The following METTL25 variants were observed in gnomAD, a reference collection of about 807,000 sequenced individuals.
METTL25 encodes methyltransferase like 25, also known as probable methyltransferase-like protein 25.
In METTL25, 64 loss-of-function variants were observed where a neutral mutation model predicts 71.6. That is an observed-to-expected ratio of 0.89 (90% CI 0.73 to 1.10). METTL25 has a LOEUF of 1.10. Ranked by LOEUF, METTL25 falls within the 50% of genes least tolerant of loss-of-function variation. The pLI is 0.00. For missense variants in METTL25, 807 were observed against 707.0 expected (o/e 1.14, Z -1.60); for synonymous variants, 287 against 250.3 (o/e 1.15, Z -1.38).
rs139616135 is a variant in METTL25, at chr12:82,439,778, G to T, written c.1478+987G>T. 7.7e-4 allele frequency: 482 copies of T among 624,284 alleles called. 2 individuals carry two copies. The African/African-American group carries it at 8.9e-3, about 12-fold the overall frequency. 38.7% of individuals were successfully genotyped at this position (624,284 alleles called of 1,614,324 possible). A position where few individuals can be genotyped will look rare whatever the true frequency, so the allele number is the denominator to read the frequency against. On this transcript the variant is annotated intron_variant, in intron 8 of 11. Transcript: ENST00000248306. ...ATATTTACCCTAAGATGCTAACCTT[G>T]TTGAAAAAAGCCATAAAATTGTGCA...
chr12:82,382,635 T>A (rs1219045531), intron 1 of METTL25, among the ~76,000 whole-genome samples: 1 of 152,250 alleles, frequency 6.6e-6, no homozygotes, highest in Admixed American at 6.5e-5. Flanking sequence ...TTTCAGCAAA[T>A]AGATATCATA....
chr12:82,376,977 G>A (rs1018799301), intron 1 of METTL25, among the ~76,000 whole-genome samples: 1 of 152,072 alleles, frequency 6.6e-6, no homozygotes, highest in African/African-American at 2.4e-5. Flanking sequence ...AGCCGGCGTG[G>A]TGGCGGGCAC....
chr12:82,442,204 T>A (rs1349128770), intron 8 of METTL25, among the ~76,000 whole-genome samples: 1 of 152,006 alleles, frequency 6.6e-6, no homozygotes, highest in Non-Finnish European at 1.5e-5. Flanking sequence ...CACATGGGAA[T>A]CTGGAAGTCC....
At chr12:82,403,992 A>C (rs1886863959) in intron 5 of METTL25, among the ~76,000 whole-genome samples, 1 of 152,162 alleles carries the variant, frequency 6.6e-6, no homozygotes, top group African/African-American at 2.4e-5. Flanking sequence ...TTTAAAACCC[A>C]GATTAATATA....
At chr12:82,445,277 A>G (rs1318637625) in intron 8 of METTL25, among the ~76,000 whole-genome samples, 1 of 152,198 alleles carries the variant, frequency 6.6e-6, no homozygotes, top group East Asian at 1.9e-4. Context: ...TAAAATATAT[A>G]CAAATCTATA....
chr12:82,432,748 T>C (rs1371222894), intron 6 of METTL25, among the ~76,000 whole-genome samples: 1 of 151,470 alleles, frequency 6.6e-6, no homozygotes, highest in Non-Finnish European at 1.5e-5. Context: ...TTTTTTTGAT[T>C]CCAAAGTAAT....
At chr12:82,446,875 C>T (rs1890790530) in intron 8 of METTL25, among the ~76,000 whole-genome samples, 1 of 152,028 alleles carries the variant, frequency 6.6e-6, no homozygotes, top group South Asian at 2.1e-4. Context: ...CCTCGGTCTC[C>T]CAAAGTGCTG....
intron 8 of METTL25, among the ~76,000 whole-genome samples, chr12:82,442,385 A>G (rs1381946935): frequency 6.6e-6 from 1 of 152,182 alleles, no homozygotes; most frequent in Non-Finnish European, 1.5e-5. Context: ...ATGCCATGAA[A>G]TACTAAGCAA....
At chr12:82,449,073 G>C (rs1890951878) in intron 8 of METTL25, among the ~76,000 whole-genome samples, 1 of 152,182 alleles carries the variant, frequency 6.6e-6, no homozygotes, top group Non-Finnish European at 1.5e-5. Flanking sequence ...TTTTGGAGAA[G>C]CATGTGGGTG....
At chr12:82,380,997 A>G (rs1001551187) in intron 1 of METTL25, among the ~76,000 whole-genome samples, 1 of 152,214 alleles carries the variant, frequency 6.6e-6, no homozygotes, top group Non-Finnish European at 1.5e-5. Flanking sequence ...TCCATGTGGC[A>G]TCCAATAGAA....
At chr12:82,463,226 C>T (rs901170341) in intron 9 of METTL25, among the ~76,000 whole-genome samples, 1 of 151,994 alleles carries the variant, frequency 6.6e-6, no homozygotes, top group Admixed American at 6.6e-5. Context: ...CTATAATGCA[C>T]TTCCCCCTAC....
At chr12:82,422,484 A>G (rs1489269793) in intron 5 of METTL25, among the ~76,000 whole-genome samples, 4 of 152,184 alleles carry the variant, frequency 2.6e-5, no homozygotes, top group African/African-American at 7.2e-5. Context: ...GAAAACTGGC[A>G]CAAGACAGGG....
At chr12:82,413,300 A>C (rs1887697269) in intron 5 of METTL25, among the ~76,000 whole-genome samples, 1 of 152,056 alleles carries the variant, frequency 6.6e-6, no homozygotes, top group Non-Finnish European at 1.5e-5. Context: ...GATTTAGGAG[A>C]CACTCAGCAA....
At chr12:82,470,858 G>A (rs1471177039) in intron 9 of METTL25, among the ~76,000 whole-genome samples, 3 of 152,130 alleles carry the variant, frequency 2.0e-5, no homozygotes, top group African/African-American at 4.8e-5. Context: ...ATAGATTTGC[G>A]AGGGCTAGGT....
At chr12:82,361,791 G>A (rs1344384580) in intron 1 of METTL25, among the ~76,000 whole-genome samples, 7 of 152,138 alleles carry the variant, frequency 4.6e-5, no homozygotes, top group African/African-American at 4.8e-5. Context: ...GTTCCCACCC[G>A]TGCCTCTCCC....
At position 82,434,731 on chromosome 12, in the gene METTL25, A is replaced by G. The variant is rs1343998908; in HGVS notation, c.1404+7A>G. On this transcript the variant is annotated splice_region_variant and intron_variant, in intron 7 of 11. Coordinates refer to ENST00000248306, the MANE Select transcript of METTL25 (RefSeq NM_032230.3). ...GGTTGCAGCTGGCCAAGGGGTAAGT[A>G]AGAGTGTTAACTGATGAACACGACA... The G allele has an allele frequency of 1.2e-6, 2 of 1,608,796 alleles. No homozygotes were observed. The highest frequency in any genetic ancestry group is 1.7e-6 in the Non-Finnish European group (2 of 1,176,340).
chr12:82,475,870 C>T (rs916898884), intron 9 of METTL25, among the ~76,000 whole-genome samples: 1 of 151,992 alleles, frequency 6.6e-6, no homozygotes, highest in African/African-American at 2.4e-5. Context: ...ATTTGAGCAT[C>T]CCTAATCTGA....
At position 82,389,932 on chromosome 12, in the gene METTL25, T is replaced by G. The variant is rs1411521275; in HGVS notation, c.531+10T>G. The stretch of plus-strand genomic sequence containing the variant: ...CTATGGAATAAAGCAGGTAAGAGTA[T>G]TTCCGTATGTTTTTAGGTGTTAAAA... On this transcript the variant is annotated intron_variant, in intron 3 of 11. Transcript: ENST00000248306. The G allele has an allele frequency of 1.4e-6, 2 of 1,438,876 alleles. No individual in the cohort carries two copies. Among genetic ancestry groups the G allele is most frequent in the South Asian group, 2.4e-5 (2 of 84,484 alleles). 89.1% of individuals were successfully genotyped at this position (1,438,876 alleles called of 1,614,324 possible). A position where few individuals can be genotyped will look rare whatever the true frequency, so the allele number is the denominator to read the frequency against.
intron 1 of METTL25, among the ~76,000 whole-genome samples, chr12:82,369,115 C>T (rs758832297): frequency 6.6e-6 from 1 of 152,156 alleles, no homozygotes; most frequent in Non-Finnish European, 1.5e-5. Context: ...AGCTTTCCTA[C>T]TCCCATCTAT....
Sources: gnomAD v4.1 joint callset for allele counts (sites outside exome capture counted in the v4.1 genomes callset) on GRCh38, gnomAD v4.1.1 for gene constraint, MANE v1.5 for transcripts, NCBI Gene and HGNC (gene_info 2026-07-23, HGNC 2026-07-21) for gene names.